Variants in SNTG2 observed in about 807,000 individuals in gnomAD.
The protein encoded by SNTG2 is syntrophin gamma 2.
In SNTG2, 74 loss-of-function variants were observed where a neutral mutation model predicts 70.9. The observed-to-expected ratio is 1.04, with a 90% CI of 0.86 to 1.27. The LOEUF is 1.27. SNTG2 is among the 50% of genes most tolerant of loss of function. The pLI, the probability that SNTG2 is intolerant of heterozygous loss-of-function variation, is 0.00. For synonymous variants in SNTG2, 278 were observed against 273.8 expected, an observed-to-expected ratio of 1.02 and a Z score of -0.15; for missense variants, 717 against 690.7, an observed-to-expected ratio of 1.04 and a Z score of -0.43.
chr2:1,099,140 C>T (rs58684568), intron 4 of SNTG2, among the ~76,000 whole-genome samples: 5,184 of 152,246 alleles, frequency 0.034, 284 homozygotes, highest in African/African-American at 0.11. Flanking sequence ...CTGGCCTCCT[C>T]CCACCTGGTC....
chr2:1,087,026 G>A lies in SNTG2; in HGVS notation c.210+3371G>A, dbSNP rs142090378. 5.8e-3 allele frequency among the ~76,000 whole-genome samples: 881 copies of A among 152,214 alleles called. 9 individuals are homozygous for A. Among genetic ancestry groups the A allele is most frequent in the African/African-American group, 0.019 (772 of 41,538 alleles). On this transcript the variant is annotated intron_variant, in intron 2 of 16. Coordinates refer to ENST00000308624, the MANE Select transcript of SNTG2 (RefSeq NM_018968.4). ...GGGAAATGGGCCTGGAGAGTGGCCT[G>A]GGGTTGCTGACATTTGAGGAATCCG...
At chr2:1,155,812 G>T (rs945678867) in intron 6 of SNTG2, among the ~76,000 whole-genome samples, 2 of 152,146 alleles carry the variant, frequency 1.3e-5, no homozygotes, top group African/African-American at 4.8e-5. Flanking sequence ...AACGTGGGAG[G>T]GGTGCAGGCA....
At chr2:1,252,590 C>G (rs749750325) in intron 12 of SNTG2, among the ~76,000 whole-genome samples, 2 of 152,172 alleles carry the variant, frequency 1.3e-5, no homozygotes, top group African/African-American at 4.8e-5. Context: ...TCCAGCATCA[C>G]CTCTGACATA....
At chr2:1,119,726 T>C (rs1345894023) in intron 4 of SNTG2, among the ~76,000 whole-genome samples, 1 of 151,730 alleles carries the variant, frequency 6.6e-6, no homozygotes, top group Middle Eastern at 3.4e-3. Flanking sequence ...CAGAAAATTA[T>C]CACGTTACAA....
At chr2:1,205,592 A>G (rs931184995) in intron 8 of SNTG2, among the ~76,000 whole-genome samples, 3 of 152,182 alleles carry the variant, frequency 2.0e-5, no homozygotes, top group African/African-American at 7.2e-5. Flanking sequence ...TGCTTTAGAA[A>G]GAGCACCTGC....
At chr2:1,366,971 C>T (rs1227535803) in intron 16 of SNTG2, among the ~76,000 whole-genome samples, 1 of 152,220 alleles carries the variant, frequency 6.6e-6, no homozygotes, top group African/African-American at 2.4e-5. Context: ...AAAATCACCA[C>T]AGGTGCTGGG....
At chr2:1,014,869 G>C (rs1041615020) in intron 1 of SNTG2, among the ~76,000 whole-genome samples, 2 of 152,132 alleles carry the variant, frequency 1.3e-5, no homozygotes, top group African/African-American at 4.8e-5. Context: ...TCGAGGTTTG[G>C]TGCTTGTGAT....
chr2:1,122,134 AG>A (rs984580786), intron 4 of SNTG2, among the ~76,000 whole-genome samples: 21 of 152,254 alleles, frequency 1.4e-4, no homozygotes, highest in Admixed American at 1.4e-3. Context: ...AACAAAAGAA[AG>A]CATGGGACCA....
chr2:1,269,906 G>A (rs1397225143), intron 14 of SNTG2, among the ~76,000 whole-genome samples: 4 of 152,218 alleles, frequency 2.6e-5, no homozygotes, highest in African/African-American at 9.7e-5. Flanking sequence ...CGTTTCTGCA[G>A]GACTGGGTAG....
intron 8 of SNTG2, among the ~76,000 whole-genome samples, chr2:1,183,570 T>G (rs1672065589): frequency 6.6e-6 from 1 of 152,222 alleles, no homozygotes; most frequent in African/African-American, 2.4e-5. Flanking sequence ...TTCTTTAGCA[T>G]CATCAACACG....
At chr2:965,341 GGTCCCCAGTCCTCCTCCTGGTCCCCAA>G (rs1206087731) in intron 1 of SNTG2, among the ~76,000 whole-genome samples, 25 of 113,532 alleles carry the variant, frequency 2.2e-4, no homozygotes, top group African/African-American at 7.8e-4. Flanking sequence ...TCCTCCTCCT[GGTCCCCAGTCCTCCTCCTGGTCCCCAA>G]TCCTCCTCCT....
Position 1,257,965 on chromosome 2 carries a change from CT to C in SNTG2, c.1006-1402del, listed in dbSNP as rs571188241. Among the ~76,000 whole-genome samples the C allele has an allele frequency of 7.9e-3, 1,206 of 152,190 alleles. 16 individuals carry two copies. Among genetic ancestry groups the C allele is most frequent in the Non-Finnish European group, 9.6e-3 (651 of 67,996 alleles). On this transcript the variant is annotated intron_variant, in intron 12 of 16. Transcript: ENST00000308624. ...GGGTGTTTAGTGGGTTTTTTTTCCC[CT>C]TTATATTTACAGCCTTCAAAAATAA...
At chr2:1,047,353 C>A (rs1661797859) in intron 1 of SNTG2, among the ~76,000 whole-genome samples, 1 of 152,210 alleles carries the variant, frequency 6.6e-6, no homozygotes, top group African/African-American at 2.4e-5. Flanking sequence ...TCTGTCATTT[C>A]AGCCATTTCA....
chr2:1,054,373 G>A (rs1398256676), intron 1 of SNTG2, among the ~76,000 whole-genome samples: 1 of 152,158 alleles, frequency 6.6e-6, no homozygotes. Flanking sequence ...AATTCTTCTA[G>A]GATCTAGCAT....
Position 1,209,268 on chromosome 2 carries a change from AC to A in SNTG2, c.719+42del, listed in dbSNP as rs770936483. Reference sequence around the variant, plus strand: ...TGTCTGAGATGGGAAACTTTGATGAACCCCGTGCACTTTTGCCAGTTCCTAC... The same window carrying A: ...TGTCTGAGATGGGAAACTTTGATGAACCCGTGCACTTTTGCCAGTTCCTAC... On this transcript the variant is annotated intron_variant, in intron 9 of 16. Transcript: ENST00000308624. 64 of 1,611,464 alleles carry A rather than the reference AC, an allele frequency of 4.0e-5. 2 individuals are homozygous for A. The African/African-American group carries it at 8.0e-4, about 20-fold the overall frequency.
At chr2:1,012,550 A>G (rs1474489341) in intron 1 of SNTG2, among the ~76,000 whole-genome samples, 3 of 152,026 alleles carry the variant, frequency 2.0e-5, no homozygotes, top group African/African-American at 4.8e-5. Flanking sequence ...AGGGATTTAT[A>G]TGGGCAGAGA....
At chr2:1,050,390 A>G (rs915595425) in intron 1 of SNTG2, among the ~76,000 whole-genome samples, 3 of 152,158 alleles carry the variant, frequency 2.0e-5, no homozygotes, top group Non-Finnish European at 4.4e-5. Context: ...TTAGGGTTCA[A>G]AGTTTGTTTC....
chr2:988,498 G>A (rs904506623), intron 1 of SNTG2, among the ~76,000 whole-genome samples: 1 of 152,106 alleles, frequency 6.6e-6, no homozygotes, highest in Non-Finnish European at 1.5e-5. Flanking sequence ...AAACTCACCC[G>A]TGAGGATGCG....
At chr2:1,057,033 C>A (rs1161257972) in intron 1 of SNTG2, among the ~76,000 whole-genome samples, 1 of 151,408 alleles carries the variant, frequency 6.6e-6, no homozygotes, top group Non-Finnish European at 1.5e-5. Flanking sequence ...CTGCGGGGAA[C>A]GATGCATGCC....
Sources: gnomAD v4.1 joint callset for allele counts (sites outside exome capture counted in the v4.1 genomes callset) on GRCh38, gnomAD v4.1.1 for gene constraint, MANE v1.5 for transcripts, NCBI Gene and HGNC (gene_info 2026-07-23, HGNC 2026-07-21) for gene names.